FAM78B: variants seen among roughly 807,000 people sequenced by gnomAD.
The protein encoded by FAM78B is protein FAM78B.
In FAM78B, 10 loss-of-function variants were observed where a neutral mutation model predicts 20.0. The ratio of observed to expected loss-of-function variants is 0.50; its 90% CI spans 0.31 to 0.85. FAM78B has a LOEUF of 0.85. Among genes scored for constraint, FAM78B ranks in the 40% least tolerant of loss-of-function variants. FAM78B has a pLI of 0.05. For missense variants in FAM78B, 283 were observed against 345.0 expected (o/e 0.82, Z 1.42); for synonymous variants, 135 against 132.8 (o/e 1.02, Z -0.12).
chr1:166,106,678 T>C (rs953111045), intron 1 of FAM78B, among the ~76,000 whole-genome samples: 1 of 151,920 alleles, frequency 6.6e-6, no homozygotes, highest in Non-Finnish European at 1.5e-5. Flanking sequence ...TGGGTACTCA[T>C]GGACAAAAAG....
chr1:166,127,833 C>T (rs1654698303), intron 1 of FAM78B, among the ~76,000 whole-genome samples: 2 of 152,176 alleles, frequency 1.3e-5, no homozygotes, highest in African/African-American at 4.8e-5. Context: ...AACCCAAAGG[C>T]TAAGGATGGT....
intron 1 of FAM78B, among the ~76,000 whole-genome samples, chr1:166,100,510 C>T (rs566342325): frequency 8.5e-5 from 13 of 152,316 alleles, no homozygotes; most frequent in South Asian, 8.3e-4. Context: ...TGTGCTTTTC[C>T]GATGGTCTTA....
rs529181045 is a variant in FAM78B, at chr1:166,103,034, C to T, written c.264-32271G>A. 9.9e-4 allele frequency among the ~76,000 whole-genome samples: 150 copies of T among 152,210 alleles called. 2 individuals carry two copies. The highest frequency in any genetic ancestry group is 1.9e-3 in the Non-Finnish European group (127 of 68,048). Reference sequence around the variant, plus strand: ...AGACCACAGTGCAATCAAACTAGAACTCAGGATCAAGAAACTCACTCAAAA... The same window carrying T: ...AGACCACAGTGCAATCAAACTAGAATTCAGGATCAAGAAACTCACTCAAAA... On this transcript the variant is annotated intron_variant, in intron 1 of 1. Coordinates refer to ENST00000354422, the MANE Select transcript of FAM78B (RefSeq NM_001017961.5).
chr1:166,107,009 G>GA (rs1653813761), intron 1 of FAM78B, among the ~76,000 whole-genome samples: 1 of 151,970 alleles, frequency 6.6e-6, no homozygotes, highest in Non-Finnish European at 1.5e-5. Context: ...ACGGTGCTAA[G>GA]AGGAAAGTTC....
At position 166,078,774 on chromosome 1, in the gene FAM78B, T is replaced by C. The variant is rs141480231; in HGVS notation, c.264-8011A>G. Among the ~76,000 whole-genome samples, 67 of 152,224 alleles carry C rather than the reference T, an allele frequency of 4.4e-4. 1 individual carries two copies. The highest frequency in any genetic ancestry group is 1.6e-3 in the African/African-American group (66 of 41,552). Reference sequence around the variant, plus strand: ...TATGCAGGGACTCTACTGATACTAATGTCCCCTGATGCGGTGTGGGTTGGG... The same window carrying C: ...TATGCAGGGACTCTACTGATACTAACGTCCCCTGATGCGGTGTGGGTTGGG... On this transcript the variant is annotated intron_variant, in intron 1 of 1. Transcript: ENST00000354422.
intron 1 of FAM78B, among the ~76,000 whole-genome samples, chr1:166,116,648 T>G (rs1034940815): frequency 6.6e-6 from 1 of 152,084 alleles, no homozygotes; most frequent in Non-Finnish European, 1.5e-5. Context: ...GAAAGAAGAG[T>G]CTATTTTCAC....
intron 1 of FAM78B, among the ~76,000 whole-genome samples, chr1:166,157,592 C>A (rs1006031853): frequency 3.3e-5 from 5 of 152,110 alleles, no homozygotes; most frequent in African/African-American, 1.2e-4. Flanking sequence ...TGCAGGAATT[C>A]TTGGGAGCCA....
downstream of FAM78B, among the ~76,000 whole-genome samples, chr1:166,057,064 TG>T (rs1350553015): frequency 1.3e-5 from 2 of 152,204 alleles, no homozygotes; most frequent in East Asian, 3.9e-4. Flanking sequence ...GCCTTGATCG[TG>T]GACTTCCCAG....
At chr1:166,075,004 C>T (rs967405862) in intron 1 of FAM78B, among the ~76,000 whole-genome samples, 5 of 152,124 alleles carry the variant, frequency 3.3e-5, no homozygotes, top group Admixed American at 6.5e-5. Flanking sequence ...TGATACCAAG[C>T]ATGGATGTGA....
chr1:166,108,072 G>A (rs1354855424), intron 1 of FAM78B, among the ~76,000 whole-genome samples: 1 of 152,086 alleles, frequency 6.6e-6, no homozygotes, highest in African/African-American at 2.4e-5. Context: ...CATTCCCTCT[G>A]AGAACTGGAA....
chr1:166,160,162 T>C (rs2101805888), intron 1 of FAM78B, among the ~76,000 whole-genome samples: 1 of 152,258 alleles, frequency 6.6e-6, no homozygotes, highest in East Asian at 1.9e-4. Flanking sequence ...GAGAGCAAAA[T>C]GCCCAACTGT....
chr1:166,155,961 C>A (rs950475051), intron 1 of FAM78B, among the ~76,000 whole-genome samples: 6 of 152,212 alleles, frequency 3.9e-5, no homozygotes, highest in African/African-American at 1.4e-4. Context: ...AAGCCTGTAC[C>A]TGCCGCCACA....
At chr1:166,089,300 G>T (rs1186428316) in intron 1 of FAM78B, among the ~76,000 whole-genome samples, 1 of 152,194 alleles carries the variant, frequency 6.6e-6, no homozygotes, top group Non-Finnish European at 1.5e-5. Context: ...TCTTCGTGTG[G>T]ATTGGAACAC....
Position 166,166,256 on chromosome 1 carries a change from C to T in FAM78B, c.-8G>A, listed in dbSNP as rs1276141001. The T allele has an allele frequency of 7.1e-7, 1 of 1,398,932 alleles. No homozygotes were observed. The highest frequency in any genetic ancestry group is 9.4e-7 in the Non-Finnish European group (1 of 1,068,884). The allele number at this position is 1,398,932 out of a possible 1,614,324, so 86.7% of individuals were successfully genotyped here. A position where few individuals can be genotyped will look rare whatever the true frequency, so the allele number is the denominator to read the frequency against. On this transcript the variant is annotated 5_prime_UTR_variant, in exon 1 of 2. Transcript: ENST00000354422. ...GCTTTGGATACAGCCCATCCTGCAG[C>T]CCGGTGCCGGCACGGCGCGGCGTGG...
chr1:166,087,988 G>C (rs998426299), intron 1 of FAM78B, among the ~76,000 whole-genome samples: 3 of 152,166 alleles, frequency 2.0e-5, no homozygotes, highest in African/African-American at 7.2e-5. Context: ...TGTGTCTGCT[G>C]CTTTTACCTT....
At chr1:166,094,278 T>C (rs983341340) in intron 1 of FAM78B, among the ~76,000 whole-genome samples, 3 of 152,124 alleles carry the variant, frequency 2.0e-5, no homozygotes, top group Admixed American at 1.3e-4. Context: ...AAGTGGGCCC[T>C]GATGGAGCAG....
chr1:166,092,544 G>C (rs140875034), intron 1 of FAM78B, among the ~76,000 whole-genome samples: 8 of 152,286 alleles, frequency 5.3e-5, no homozygotes, highest in African/African-American at 1.4e-4. Flanking sequence ...TGGTCTTTAA[G>C]CCTCAAGCTT....
intron 1 of FAM78B, among the ~76,000 whole-genome samples, chr1:166,141,764 TTG>T (rs1370756278): frequency 1.3e-5 from 2 of 152,274 alleles, no homozygotes; most frequent in Admixed American, 6.5e-5. Flanking sequence ...CCATCACAGC[TTG>T]TGTTGGCTTT....
chr1:166,109,767 C>T (rs1330565361), intron 1 of FAM78B, among the ~76,000 whole-genome samples: 1 of 137,374 alleles, frequency 7.3e-6, no homozygotes, highest in African/African-American at 2.6e-5. Context: ...CCCAAATGCC[C>T]ATCAATCAAC....
Sources: gnomAD v4.1 joint callset for allele counts (sites outside exome capture counted in the v4.1 genomes callset) on GRCh38, gnomAD v4.1.1 for gene constraint, MANE v1.5 for transcripts, NCBI Gene and HGNC (gene_info 2026-07-23, HGNC 2026-07-21) for gene names.